TTC6: variants seen among roughly 807,000 people sequenced by gnomAD.
TTC6 encodes the protein tetratricopeptide repeat protein 6.
A neutral mutation model predicts 210.4 loss-of-function variants in TTC6; 172 were observed. The ratio of observed to expected loss-of-function variants is 0.82; its 90% CI spans 0.72 to 0.93. The LOEUF is 0.93. Ranked by LOEUF, TTC6 falls within the 40% of genes least tolerant of loss-of-function variation. TTC6 has a pLI of 0.00. For missense variants in TTC6, 2,414 were observed against 2,318.1 expected, an observed-to-expected ratio of 1.04 and a Z score of -0.85; for synonymous variants, 804 against 819.6, an observed-to-expected ratio of 0.98 and a Z score of 0.32.
intron 1 of TTC6, among the ~76,000 whole-genome samples, chr14:37,597,180 T>C (rs1390298555): frequency 1.3e-5 from 2 of 152,086 alleles, no homozygotes; most frequent in Non-Finnish European, 2.9e-5. Context: ...TATCTGCGAA[T>C]TGTGTGTCAG....
At chr14:37,680,336 T>C (rs962824245) in intron 2 of TTC6, 75 bp downstream of exon 4, 2 of 978,266 alleles carry the variant, frequency 2.0e-6, no homozygotes, top group Non-Finnish European at 2.9e-6. Context: ...AATGTTTATA[T>C]AGAGAGTTAA....
At chr14:37,685,021 C>T (rs2095791104) in intron 3 of TTC6, among the ~76,000 whole-genome samples, 1 of 152,088 alleles carries the variant, frequency 6.6e-6, no homozygotes, top group Non-Finnish European at 1.5e-5. Context: ...CTCTTAGAAG[C>T]TCGTTAGTAT....
At chr14:37,784,854 A>G (rs926511581) in intron 14 of TTC6, among the ~76,000 whole-genome samples, 1 of 152,106 alleles carries the variant, frequency 6.6e-6, no homozygotes, top group Non-Finnish European at 1.5e-5. Flanking sequence ...TTGTCTGTAA[A>G]GGATTTTATT....
chr14:37,659,432 C>G (rs981985355), intron 1 of TTC6, among the ~76,000 whole-genome samples: 2 of 152,080 alleles, frequency 1.3e-5, no homozygotes, highest in African/African-American at 4.8e-5. Context: ...TTCTCCACAA[C>G]CTCTCCAGCA....
intron 1 of TTC6, among the ~76,000 whole-genome samples, chr14:37,662,213 G>C (rs1053296835): frequency 6.6e-6 from 1 of 152,150 alleles, no homozygotes; most frequent in Admixed American, 6.5e-5. Context: ...GTGAGAGAGG[G>C]CATCCTTGTC....
At chr14:37,748,589 G>T (rs2095942835) in intron 10 of TTC6, among the ~76,000 whole-genome samples, 1 of 22,324 alleles carries the variant, frequency 4.5e-5, no homozygotes, top group Non-Finnish European at 2.4e-3. Context: ...CTCTTGCATG[G>T]CATTTTTTTC....
At chr14:37,836,727 G>A (rs773976327) in intron 29 of TTC6, among the ~76,000 whole-genome samples, 2 of 152,166 alleles carry the variant, frequency 1.3e-5, no homozygotes, top group Non-Finnish European at 2.9e-5. Flanking sequence ...AGCCTCCTTC[G>A]TAGAGAAAAT....
intron 1 of TTC6, among the ~76,000 whole-genome samples, chr14:37,602,145 A>C (rs963758144): frequency 2.3e-4 from 35 of 152,330 alleles, no homozygotes; most frequent in African/African-American, 8.4e-4. Context: ...CCCGCAGGGC[A>C]GGTTTGCGCA....
At chr14:37,669,045 T>C (rs959714301) in intron 1 of TTC6, among the ~76,000 whole-genome samples, 15 of 152,212 alleles carry the variant, frequency 9.9e-5, no homozygotes, top group Non-Finnish European at 2.1e-4. Context: ...ACTGAATAGC[T>C]TGATAACTTG....
In TTC6 at chr14:37,633,563, C is replaced by G. The variant is rs565061166; in HGVS notation, c.939+10560C>G. Among the ~76,000 whole-genome samples the G allele has an allele frequency of 5.3e-5, 8 of 152,312 alleles. No homozygotes were observed. In the South Asian group the frequency reaches 6.2e-4, roughly 12 times the overall value. ...TGGGAGCTGCAGACCGGAGCTGTTC[C>G]TATTCAGCCATCTTGCCAGCAGGTA... On this transcript the variant is annotated intron_variant, in intron 1 of 30. Transcript: ENST00000553443.
Position 37,801,827 on chromosome 14 carries a change from C to A in TTC6, c.4030-2853C>A, listed in dbSNP as rs140299364. Among the ~76,000 whole-genome samples, 14 of 152,252 alleles carry A rather than the reference C, an allele frequency of 9.2e-5. No individual in the cohort carries two copies. The East Asian group carries it at 2.5e-3, about 27-fold the overall frequency. Reference sequence around the variant, plus strand: ...TATACATTTCAACCATTGTGTAAGACGGTTTGGCGATTCCTCAAAGACCTA... The same window carrying A: ...TATACATTTCAACCATTGTGTAAGAAGGTTTGGCGATTCCTCAAAGACCTA... On this transcript the variant is annotated intron_variant, in intron 20 of 30. Transcript: ENST00000553443.
chr14:37,733,770 G>A (rs2095894143), intron 7 of TTC6, among the ~76,000 whole-genome samples: 1 of 151,998 alleles, frequency 6.6e-6, no homozygotes, highest in Admixed American at 6.6e-5. Flanking sequence ...AAAATTTTTA[G>A]TAATCTCTAT....
chr14:37,821,478 A>G (rs1482690437), intron 26 of TTC6, among the ~76,000 whole-genome samples: 1 of 152,206 alleles, frequency 6.6e-6, no homozygotes, highest in African/African-American at 2.4e-5. Flanking sequence ...AAAAGGCAGC[A>G]TCTGATTCCC....
intron 2 of TTC6, among the ~76,000 whole-genome samples, chr14:37,607,719 C>G (rs2095627758): frequency 6.6e-6 from 1 of 151,248 alleles, no homozygotes; most frequent in Non-Finnish European, 1.5e-5. Context: ...GCCTTGGACT[C>G]CTGGGCTCCA....
At chr14:37,842,343 C>T (rs755512894) in exon 31 of TTC6, 60 of 1,408,696 alleles carry the variant, frequency 4.3e-5, no homozygotes, top group Middle Eastern at 1.9e-4. Context: ...CTCTCTGAAA[C>T]GGAAACATAT....
intron 14 of TTC6, among the ~76,000 whole-genome samples, chr14:37,760,618 C>A (rs371291712): frequency 3.3e-5 from 5 of 152,320 alleles, no homozygotes; most frequent in African/African-American, 1.2e-4. Context: ...GCACCCACAG[C>A]TGCCCCTTTC....
intron 1 of TTC6, among the ~76,000 whole-genome samples, chr14:37,665,762 C>T (rs1360340064): frequency 6.6e-6 from 1 of 150,456 alleles, no homozygotes; most frequent in African/African-American, 2.4e-5. Context: ...CCAAGCTGAG[C>T]TTGTGATGAA....
intron 1 of TTC6, among the ~76,000 whole-genome samples, chr14:37,673,399 C>T (rs1168395832): frequency 1.3e-5 from 2 of 152,118 alleles, no homozygotes; most frequent in Non-Finnish European, 2.9e-5. Flanking sequence ...TTGAACTTTA[C>T]AGTAAGTTAT....
intron 10 of TTC6, among the ~76,000 whole-genome samples, chr14:37,740,555 T>A (rs985771704): frequency 6.6e-6 from 1 of 152,202 alleles, no homozygotes; most frequent in African/African-American, 2.4e-5. Flanking sequence ...CTTGAAATGG[T>A]GACTTATTGT....
Sources: allele counts gnomAD v4.1 joint callset (sites outside exome capture counted in the v4.1 genomes callset), GRCh38; gene constraint gnomAD v4.1.1; transcripts MANE v1.5; gene names NCBI Gene and HGNC (gene_info 2026-07-23, HGNC 2026-07-21).